Variants in FBLN1 observed in about 807,000 individuals in gnomAD.
The protein encoded by FBLN1 is fibulin-1.
Under a neutral mutation model 89.7 loss-of-function variants are expected in FBLN1, and 34 were observed. The ratio of observed to expected loss-of-function variants is 0.38; its 90% CI spans 0.29 to 0.50. FBLN1 has a LOEUF of 0.50. Among genes scored for constraint, FBLN1 ranks in the 20% least tolerant of loss-of-function variants. The probability of loss-of-function intolerance (pLI) is 0.92; values close to 1 mark genes in which losing one functional copy is unlikely to be tolerated. For synonymous variants in FBLN1, 393 were observed against 391.3 expected (o/e 1.00, Z -0.05); for missense variants, 777 against 988.1 (o/e 0.79, Z 2.86).
chr22:45,575,673 G>T lies in FBLN1; in HGVS notation c.1840+1020G>T, dbSNP rs1321289958. ...AGCCTGGCTCTCTAGGAAGCTCCTG[G>T]CATGCAGTGTAGTCATGTTGTGTAA... On this transcript the variant is annotated intron_variant, in intron 15 of 16. Transcript: ENST00000327858. This position sits in a 1 kb window ranked among gnomAD's most constrained non-coding sequence, Gnocchi z 6.3. 1.3e-5 allele frequency among the ~76,000 whole-genome samples: 2 copies of T among 152,140 alleles called. No homozygotes were observed. Among genetic ancestry groups the T allele is most frequent in the Non-Finnish European group, 2.9e-5 (2 of 68,020 alleles).
chr22:45,571,291 G>C (rs976542917), intron 14 of FBLN1, among the ~76,000 whole-genome samples: 34 of 152,216 alleles, frequency 2.2e-4, no homozygotes, highest in African/African-American at 7.7e-4. Context: ...CTCAAGAAAA[G>C]TTAAGCCCAG....
intron 16 of FBLN1, among the ~76,000 whole-genome samples, chr22:45,589,205 A>G (rs1309368885): frequency 6.6e-6 from 1 of 151,794 alleles, no homozygotes; most frequent in Non-Finnish European, 1.5e-5. Flanking sequence ...CCCATTTTCC[A>G]GATGAGGAAA....
Position 45,523,071 on chromosome 22 carries a change from T to C in FBLN1, c.186-2472T>C, listed in dbSNP as rs376498281. The C allele has an allele frequency of 3.3e-4, 246 of 747,818 alleles. 1 individual carries two copies. Among genetic ancestry groups the C allele is most frequent in the Non-Finnish European group, 5.6e-4 (224 of 397,906 alleles). The allele number at this position is 747,818 out of a possible 1,614,324, so 46.3% of individuals were successfully genotyped here. A position where few individuals can be genotyped will look rare whatever the true frequency, so the allele number is the denominator to read the frequency against. ...AGGGAGGCATAGGGGCTTCTGCTCA[T>C]GGTGGGTTTATAATTTTAGAGCCGT... On this transcript the variant is annotated intron_variant, in intron 2 of 16. Transcript: ENST00000327858.
chr22:45,513,179 C>A (rs1712135188), intron 1 of FBLN1, among the ~76,000 whole-genome samples: 1 of 152,192 alleles, frequency 6.6e-6, no homozygotes, highest in African/African-American at 2.4e-5. Flanking sequence ...ACGGGCAAAG[C>A]ATCGATTGCT....
At chr22:45,503,949 A>C (rs1178022414) in intron 1 of FBLN1, among the ~76,000 whole-genome samples, 1 of 152,158 alleles carries the variant, frequency 6.6e-6, no homozygotes, top group East Asian at 1.9e-4. Flanking sequence ...TGATCAGAGC[A>C]GCTGCTGGGC....
intron 16 of FBLN1, among the ~76,000 whole-genome samples, chr22:45,599,269 C>T (rs1249369778): frequency 1.3e-5 from 2 of 152,226 alleles, no homozygotes; most frequent in Non-Finnish European, 2.9e-5. Context: ...TCTCCCTGCA[C>T]CACCCATCCT....
intron 16 of FBLN1, among the ~76,000 whole-genome samples, chr22:45,593,000 A>G (rs1014201743): frequency 2.6e-5 from 4 of 152,130 alleles, no homozygotes; most frequent in African/African-American, 9.7e-5. Context: ...TAGAATCACA[A>G]GCCTCACGTT....
rs188591470 is a variant in FBLN1 at position 45,552,930 on chromosome 22, C to T, written c.1697+2315C>T. ...CTCTTTATCCCCTCAGTGGGGCCGG[C>T]GCCTGATGACCTGTGGTCTAGAAAG... On this transcript the variant is annotated intron_variant, in intron 14 of 16. Coordinates refer to ENST00000327858, the MANE Select transcript of FBLN1 (RefSeq NM_006486.3). 6.6e-5 allele frequency among the ~76,000 whole-genome samples: 10 copies of T among 152,340 alleles called. 1 individual carries two copies. Among genetic ancestry groups the T allele is most frequent in the Admixed American group, 2.6e-4 (4 of 15,298 alleles).
intron 14 of FBLN1, among the ~76,000 whole-genome samples, chr22:45,568,510 C>T (rs111911254): frequency 1.4e-5 from 2 of 141,570 alleles, no homozygotes; most frequent in African/African-American, 5.2e-5. Flanking sequence ...GGGAGTGCTC[C>T]TTCTGTAGGG....
Position 45,563,143 on chromosome 22 carries a change from C to T in FBLN1, c.1698-11368C>T. 1 of 1,613,462 alleles carries T rather than the reference C, an allele frequency of 6.2e-7. No individual in the cohort carries two copies. The highest frequency in any genetic ancestry group is 8.5e-7 in the Non-Finnish European group (1 of 1,180,006). ...TGAGCCCCCACAGTGGGGTGGTGGC[C>T]CTCACCAAGCCTGTCCCCGAGCCCA... On this transcript the variant is annotated intron_variant, in intron 14 of 16. Coordinates refer to ENST00000327858, the MANE Select transcript of FBLN1 (RefSeq NM_006486.3). The surrounding 1 kb of genome is among the most constrained non-coding windows in gnomAD (Gnocchi z 5.7).
At position 45,508,810 on chromosome 22, in the gene FBLN1, C is replaced by A. The variant is rs5765436; in HGVS notation, c.79+5746C>A. ...TCATTCACGGACATTTATTGAATGACTGCTTAGGGCAGGCATGGGGGCAGG... is the reference window on the plus strand; with the variant it reads ...TCATTCACGGACATTTATTGAATGAATGCTTAGGGCAGGCATGGGGGCAGG... On this transcript the variant is annotated intron_variant, in intron 1 of 16. Transcript: ENST00000327858. Among the ~76,000 whole-genome samples, 440 of 152,294 alleles carry A rather than the reference C, an allele frequency of 2.9e-3. 14 individuals carry two copies. The East Asian group carries it at 0.068, about 24-fold the overall frequency.
At chr22:45,524,788 T>G (rs1369275058) in intron 2 of FBLN1, among the ~76,000 whole-genome samples, 1 of 152,088 alleles carries the variant, frequency 6.6e-6, no homozygotes, top group Non-Finnish European at 1.5e-5. Flanking sequence ...CTGTCTTTCT[T>G]TTTTTAAAAA....
intron 14 of FBLN1, among the ~76,000 whole-genome samples, chr22:45,567,151 C>T (rs1032603710): frequency 5.9e-5 from 9 of 152,238 alleles, no homozygotes; most frequent in African/African-American, 2.2e-4. Flanking sequence ...TCCTCCACTG[C>T]AGCAAATACG....
intron 1 of FBLN1, among the ~76,000 whole-genome samples, chr22:45,516,872 G>C (rs1602165534): frequency 6.6e-6 from 1 of 152,224 alleles, no homozygotes. Flanking sequence ...TGGGGGACAT[G>C]GTTCTAGGTG....
At position 45,550,359 on chromosome 22, in the gene FBLN1, C is replaced by T; in HGVS notation, c.1574-133C>T. Reference sequence around the variant, plus strand: ...CACAGGACGCTGCTCTGAAGATCAGCCAGTGGAGGGCAGGGATGGCCTGAT... The same window carrying T: ...CACAGGACGCTGCTCTGAAGATCAGTCAGTGGAGGGCAGGGATGGCCTGAT... On this transcript the variant is annotated intron_variant, in intron 13 of 16. Coordinates refer to ENST00000327858, the MANE Select transcript of FBLN1 (RefSeq NM_006486.3). The surrounding 1 kb of genome is among the most constrained non-coding windows in gnomAD (Gnocchi z 8.4). 1 of 1,190,720 alleles carries T rather than the reference C, an allele frequency of 8.4e-7. No homozygotes were observed. Among genetic ancestry groups the T allele is most frequent in the Non-Finnish European group, 1.2e-6 (1 of 809,302 alleles). 73.8% of individuals were successfully genotyped at this position (1,190,720 alleles called of 1,614,324 possible). A position where few individuals can be genotyped will look rare whatever the true frequency, so the allele number is the denominator to read the frequency against.
At chr22:45,522,574 A>C (rs1440800824) in intron 2 of FBLN1, among the ~76,000 whole-genome samples, 1 of 152,194 alleles carries the variant, frequency 6.6e-6, no homozygotes, top group Non-Finnish European at 1.5e-5. Context: ...GGCTGTAGCC[A>C]AGCAGGGGTT....
intron 14 of FBLN1, among the ~76,000 whole-genome samples, chr22:45,560,829 G>A (rs1462269168): frequency 6.6e-6 from 1 of 152,140 alleles, no homozygotes; most frequent in Non-Finnish European, 1.5e-5. Flanking sequence ...CTAGTTATAG[G>A]TCTAGAGGCA....
rs73447413 is a variant in FBLN1, at chr22:45,527,745, G to C, written c.322-102G>C. Reference sequence around the variant, plus strand: ...GACTTGAGTCATCACTCTACAGGTTGTGTGGACAGGGGGCTCAGAGAGGCC... The same window carrying C: ...GACTTGAGTCATCACTCTACAGGTTCTGTGGACAGGGGGCTCAGAGAGGCC... On this transcript the variant is annotated intron_variant, in intron 3 of 16. Coordinates refer to ENST00000327858, the MANE Select transcript of FBLN1 (RefSeq NM_006486.3). The C allele has an allele frequency of 0.02, 24,370 of 1,197,486 alleles. 3,394 individuals are homozygous for C. In the African/African-American group the frequency reaches 0.31, roughly 15 times the overall value. 74.2% of individuals were successfully genotyped at this position (1,197,486 alleles called of 1,614,324 possible).
rs766342323 is a variant in FBLN1 at position 45,550,280 on chromosome 22, G to A, written c.1574-212G>A. 2.0e-5 allele frequency among the ~76,000 whole-genome samples: 3 copies of A among 152,202 alleles called. No homozygotes were observed. The highest frequency in any genetic ancestry group is 2.1e-4 in the South Asian group (1 of 4,828). The stretch of plus-strand genomic sequence containing the variant: ...TCGTCACGCTCCCTCCAGGGATTGC[G>A]AATGATAAGTTAACACTCTATAAAT... On this transcript the variant is annotated intron_variant, in intron 13 of 16. Coordinates refer to ENST00000327858, the MANE Select transcript of FBLN1 (RefSeq NM_006486.3). The surrounding 1 kb of genome is among the most constrained non-coding windows in gnomAD (Gnocchi z 8.4).
Sources: allele counts gnomAD v4.1 joint callset (sites outside exome capture counted in the v4.1 genomes callset), GRCh38; gene constraint gnomAD v4.1.1; non-coding constraint Gnocchi (gnomAD v3.1); transcripts MANE v1.5; gene names NCBI Gene and HGNC (gene_info 2026-07-23, HGNC 2026-07-21).